NLK: variants seen among roughly 807,000 people sequenced by gnomAD.
NLK encodes the protein serine/threonine-protein kinase NLK.
A neutral mutation model predicts 59.0 loss-of-function variants in NLK; 11 were observed. The observed-to-expected ratio is 0.19, with a 90% CI of 0.12 to 0.31. The LOEUF (loss-of-function observed/expected upper bound fraction) is 0.31. NLK is among the 10% of genes least tolerant of loss of function. The pLI, the probability that NLK is intolerant of heterozygous loss-of-function variation, is 1.00. For synonymous variants in NLK, 235 were observed against 235.9 expected, an observed-to-expected ratio of 1.00 and a Z score of 0.03; for missense variants, 410 against 661.1, an observed-to-expected ratio of 0.62 and a Z score of 4.16.
intron 2 of NLK, among the ~76,000 whole-genome samples, chr17:28,124,955 G>A (rs763632709): frequency 6.6e-6 from 1 of 152,074 alleles, no homozygotes; most frequent in Non-Finnish European, 1.5e-5. Context: ...AGGCTGAGGT[G>A]GGAGATCACT....
chr17:28,043,629 T>A (rs1417317206), intron 1 of NLK, among the ~76,000 whole-genome samples: 1 of 152,242 alleles, frequency 6.6e-6, no homozygotes, highest in African/African-American at 2.4e-5. Context: ...GATGAATGTA[T>A]GCAATACTAA....
intron 1 of NLK, among the ~76,000 whole-genome samples, chr17:28,091,773 G>A (rs565024597): frequency 6.6e-6 from 1 of 152,222 alleles, no homozygotes; most frequent in South Asian, 2.1e-4. Context: ...CCATTTTGCA[G>A]TATCCCAGAA....
Position 28,136,003 on chromosome 17 carries a change from A to G in NLK, c.644+3328A>G, listed in dbSNP as rs543627880. Among the ~76,000 whole-genome samples, 87 of 152,332 alleles carry G rather than the reference A, an allele frequency of 5.7e-4. 1 individual carries two copies. The highest frequency in any genetic ancestry group is 1.9e-3 in the African/African-American group (80 of 41,588). ...TATGGTTTAAAACCATGAGTGATAT[A>G]GGTTAGTAGCTGTTGGTAGCAAATT... On this transcript the variant is annotated intron_variant, in intron 3 of 10. Transcript: ENST00000407008.
intron 6 of NLK, among the ~76,000 whole-genome samples, chr17:28,171,908 C>T (rs972193294): frequency 6.6e-6 from 1 of 151,742 alleles, no homozygotes; most frequent in Non-Finnish European, 1.5e-5. Context: ...ATATTTCTAT[C>T]ATATAAATAG....
At chr17:28,141,841 G>T (rs905838945) in intron 3 of NLK, among the ~76,000 whole-genome samples, 1 of 152,088 alleles carries the variant, frequency 6.6e-6, no homozygotes, top group African/African-American at 2.4e-5. Flanking sequence ...CTATATAGAG[G>T]CTCCTCTTTC....
chr17:28,134,334 G>A (rs530146967), intron 3 of NLK, among the ~76,000 whole-genome samples: 7 of 152,180 alleles, frequency 4.6e-5, no homozygotes, highest in African/African-American at 9.6e-5. Context: ...CCGGGAGGTC[G>A]AGGCTGTAGT....
At chr17:28,152,420 G>A (rs762708726) in intron 3 of NLK, among the ~76,000 whole-genome samples, 34 of 152,122 alleles carry the variant, frequency 2.2e-4, no homozygotes, top group African/African-American at 2.9e-4. Flanking sequence ...TTTTCTCTCC[G>A]CTGCTTACGA....
intron 7 of NLK, 26 bp downstream of exon 7, chr17:28,172,644 T>C: frequency 1.5e-6 from 2 of 1,343,354 alleles, no homozygotes; most frequent in Non-Finnish European, 2.0e-6. Flanking sequence ...AATCTTTTTC[T>C]GGTAACCATC....
At chr17:28,183,238 A>G (rs1478254071) in intron 7 of NLK, among the ~76,000 whole-genome samples, 1 of 152,236 alleles carries the variant, frequency 6.6e-6, no homozygotes, top group African/African-American at 2.4e-5. Flanking sequence ...TCCAGATAAA[A>G]TACAGTTTAT....
chr17:28,093,669 A>G (rs1904593435), intron 1 of NLK, among the ~76,000 whole-genome samples: 2 of 152,214 alleles, frequency 1.3e-5, no homozygotes, highest in South Asian at 4.1e-4. Context: ...GACGGAAGCA[A>G]TCTGACATCA....
intron 1 of NLK, among the ~76,000 whole-genome samples, chr17:28,090,987 G>A (rs1904471676): frequency 6.6e-6 from 1 of 151,868 alleles, no homozygotes; most frequent in Admixed American, 6.6e-5. Context: ...GAGTTTCTTG[G>A]ATCTGTGGGC....
At chr17:28,184,316 T>C (rs1346977484) in intron 7 of NLK, among the ~76,000 whole-genome samples, 4 of 152,254 alleles carry the variant, frequency 2.6e-5, no homozygotes, top group Non-Finnish European at 4.4e-5. Flanking sequence ...GCTTTGCATG[T>C]GGCCCAGGTT....
At chr17:28,159,772 A>T (rs966652566) in intron 3 of NLK, among the ~76,000 whole-genome samples, 1 of 152,200 alleles carries the variant, frequency 6.6e-6, no homozygotes, top group African/African-American at 2.4e-5. Context: ...TAAAAAATAT[A>T]ACAGTAAAAA....
chr17:28,090,666 T>C (rs1904459909), intron 1 of NLK, among the ~76,000 whole-genome samples: 1 of 152,116 alleles, frequency 6.6e-6, no homozygotes, highest in Non-Finnish European at 1.5e-5. Flanking sequence ...TGAGATCTCC[T>C]GGTGGGAGCT....
intron 1 of NLK, among the ~76,000 whole-genome samples, chr17:28,102,271 T>C (rs1427096410): frequency 6.6e-6 from 1 of 152,332 alleles, no homozygotes; most frequent in East Asian, 1.9e-4. Context: ...GAAAAGCTTA[T>C]ATTAACTAAT....
intron 1 of NLK, among the ~76,000 whole-genome samples, chr17:28,085,850 A>G (rs1448235146): frequency 6.6e-6 from 1 of 152,194 alleles, no homozygotes; most frequent in Non-Finnish European, 1.5e-5. Flanking sequence ...GATCTGTTAG[A>G]TACACAAATT....
intron 1 of NLK, among the ~76,000 whole-genome samples, chr17:28,052,487 T>A (rs1314577676): frequency 6.6e-6 from 1 of 152,124 alleles, no homozygotes; most frequent in Non-Finnish European, 1.5e-5. Flanking sequence ...AGTTTAGGGC[T>A]TACAGTGCCC....
chr17:28,171,767 A>C lies in NLK; in HGVS notation c.1048-750A>C, dbSNP rs1908471280. Among the ~76,000 whole-genome samples the C allele has an allele frequency of 5.3e-5, 8 of 152,342 alleles. No homozygotes were observed. In the South Asian group the frequency reaches 1.7e-3, roughly 32 times the overall value. Reference sequence around the variant, plus strand: ...TAACTGTTTGGAAAGAATAGTCATTAGGCATCAACAGAAGAGGAGTTCAAC... The same window carrying C: ...TAACTGTTTGGAAAGAATAGTCATTCGGCATCAACAGAAGAGGAGTTCAAC... On this transcript the variant is annotated intron_variant, in intron 6 of 10. Transcript: ENST00000407008.
At chr17:28,066,816 TGTTTATAGTG>T (rs1909838903) in intron 1 of NLK, among the ~76,000 whole-genome samples, 2 of 152,228 alleles carry the variant, frequency 1.3e-5, no homozygotes, top group African/African-American at 4.8e-5. Context: ...TATGTAATAC[TGTTTATAGTG>T]GTTTTGCATT....
Sources: gnomAD v4.1 joint callset for allele counts (sites outside exome capture counted in the v4.1 genomes callset) on GRCh38, gnomAD v4.1.1 for gene constraint, MANE v1.5 for transcripts, NCBI Gene and HGNC (gene_info 2026-07-23, HGNC 2026-07-21) for gene names.